The following ONECUT2 variants were observed in gnomAD, a reference collection of about 807,000 sequenced individuals.
ONECUT2 encodes the protein one cut homeobox 2, also known as one cut domain family member 2.
A neutral mutation model predicts 27.9 loss-of-function variants in ONECUT2; 10 were observed. That is an observed-to-expected ratio of 0.36 (90% CI 0.22 to 0.61). ONECUT2 has a LOEUF of 0.61. Among genes scored for constraint, ONECUT2 ranks in the 20% least tolerant of loss-of-function variants. The pLI is 0.73. For synonymous variants in ONECUT2, 334 were observed against 315.1 expected (o/e 1.06, Z -0.64); for missense variants, 686 against 721.0 (o/e 0.95, Z 0.56).
In ONECUT2 at chr18:57,480,131, A is replaced by G. The variant is rs2050408359; in HGVS notation, c.*3408A>G. On this transcript the variant is annotated 3_prime_UTR_variant, in exon 2 of 2. Transcript: ENST00000491143. ...TTTGTGCCCCCTCCTCATTCCCCCTATGTGGGTCTCCCTATGCAGGAGCTG... is the reference window on the plus strand; with the variant it reads ...TTTGTGCCCCCTCCTCATTCCCCCTGTGTGGGTCTCCCTATGCAGGAGCTG... The G allele has an allele frequency of 1.3e-5, 2 of 151,986 alleles. No individual in the cohort carries two copies. Among genetic ancestry groups the G allele is most frequent in the Non-Finnish European group, 1.5e-5 (1 of 68,012 alleles). The allele number at this position is 151,986 out of a possible 1,614,324, so 9.4% of individuals were successfully genotyped here.
At position 57,436,607 on chromosome 18, in the gene ONECUT2, C is replaced by G. The variant is rs781249150; in HGVS notation, c.891C>G (p.His297Gln). ...AMMSHLNGLH[H>Q]PGHTQSHGPV... ...TGTCGCACCTGAACGGCCTGCACCA[C>G]CCGGGCCACACTCAGTCTCACGGGC... Residue 297 changes from histidine (H) to glutamine (Q), a missense_variant, in exon 1 of 2, where the codon CAC becomes CAG. His to Gln is a conservative substitution (Grantham distance 24). This residue lies in a region of ONECUT2 where 511 missense variants were observed against 488.1 expected (regional missense o/e 1.05). Transcript: ENST00000491143. This position sits in a 1 kb window ranked among gnomAD's most constrained non-coding sequence, Gnocchi z 5.9. 37 of 1,610,712 alleles carry G rather than the reference C, an allele frequency of 2.3e-5. No individual in the cohort carries two copies. The highest frequency in any genetic ancestry group is 3.3e-5 in the South Asian group (3 of 91,070).
rs765697436 is a variant in ONECUT2 at position 57,483,360 on chromosome 18, C to G, written c.*6637C>G. 1 of 152,510 alleles carries G rather than the reference C, an allele frequency of 6.6e-6. No homozygotes were observed. The highest frequency in any genetic ancestry group is 1.5e-5 in the Non-Finnish European group (1 of 68,024). The allele number at this position is 152,510 out of a possible 1,614,324, so 9.4% of individuals were successfully genotyped here. A position where few individuals can be genotyped will look rare whatever the true frequency, so the allele number is the denominator to read the frequency against. On this transcript the variant is annotated 3_prime_UTR_variant, in exon 2 of 2. Transcript: ENST00000491143. ...CCTGCTTTGTTTTTATTTAGACTAT[C>G]AAATGAAGTTATACATGTTGTCAGT...
At chr18:57,451,792 A>C (rs1235178605) in intron 1 of ONECUT2, among the ~76,000 whole-genome samples, 1 of 152,194 alleles carries the variant, frequency 6.6e-6, no homozygotes, top group Non-Finnish European at 1.5e-5. Flanking sequence ...CATGAATCCA[A>C]GTATTCCACC....
At chr18:57,476,125 T>C (rs1159127996) in intron 1 of ONECUT2, among the ~76,000 whole-genome samples, 1 of 152,174 alleles carries the variant, frequency 6.6e-6, no homozygotes, top group Admixed American at 6.5e-5. Flanking sequence ...TGGCACCTGA[T>C]TTCAGAGATA....
In ONECUT2 at chr18:57,435,598, T is replaced by A; in HGVS notation, c.-119T>A. ...CCGGGGCGCACACCCGCACGCGCAC[T>A]CCTCTCCACTCACTCCCGCGCCCGC... On this transcript the variant is annotated 5_prime_UTR_variant, in exon 1 of 2. Coordinates refer to ENST00000491143, the MANE Select transcript of ONECUT2 (RefSeq NM_004852.3). 1.2e-6 allele frequency: 1 copy of A among 817,164 alleles called. No individual in the cohort carries two copies. Among genetic ancestry groups the A allele is most frequent in the Non-Finnish European group, 1.4e-6 (1 of 690,856 alleles). The allele number at this position is 817,164 out of a possible 1,614,324, so 50.6% of individuals were successfully genotyped here.
intron 1 of ONECUT2, among the ~76,000 whole-genome samples, chr18:57,469,694 G>A (rs561522766): frequency 3.0e-4 from 46 of 152,276 alleles, no homozygotes; most frequent in African/African-American, 9.4e-4. Flanking sequence ...ATCTACTATC[G>A]AGTAAGACTT....
In ONECUT2 at chr18:57,436,953, G is replaced by C; in HGVS notation, c.1228+9G>C. 1.3e-6 allele frequency: 2 copies of C among 1,577,120 alleles called. No individual in the cohort carries two copies. The highest frequency in any genetic ancestry group is 8.6e-7 in the Non-Finnish European group (1 of 1,161,810). On this transcript the variant is annotated intron_variant, in intron 1 of 1. Transcript: ENST00000491143. The surrounding 1 kb of genome is among the most constrained non-coding windows in gnomAD (Gnocchi z 5.9). ...CGCCTTACGCCTGGCAGGTAAGGCC[G>C]GGGCTAGCCAGGGGCCAGGCTGCTG...
intron 1 of ONECUT2, among the ~76,000 whole-genome samples, chr18:57,451,943 G>C (rs2050232602): frequency 2.0e-5 from 3 of 152,168 alleles, no homozygotes; most frequent in South Asian, 2.1e-4. Flanking sequence ...ATGAGGAATG[G>C]GGGGGGCGGT....
Position 57,482,830 on chromosome 18 carries a change from G to A in ONECUT2, c.*6107G>A, listed in dbSNP as rs560505917. On this transcript the variant is annotated 3_prime_UTR_variant, in exon 2 of 2. Coordinates refer to ENST00000491143, the MANE Select transcript of ONECUT2 (RefSeq NM_004852.3). The stretch of plus-strand genomic sequence containing the variant: ...TACAACAAATAAATTTTAAATCATC[G>A]TTTAACATGTATGTGGTACTTCTAC... 1.6e-4 allele frequency: 25 copies of A among 152,282 alleles called. No individual in the cohort carries two copies. The highest frequency in any genetic ancestry group is 5.1e-4 in the African/African-American group (21 of 41,506). The allele number at this position is 152,282 out of a possible 1,614,324, so 9.4% of individuals were successfully genotyped here.
intron 1 of ONECUT2, among the ~76,000 whole-genome samples, chr18:57,450,104 A>T (rs1265648929): frequency 6.6e-6 from 1 of 152,134 alleles, no homozygotes; most frequent in Admixed American, 6.5e-5. Flanking sequence ...TCAACGAGAG[A>T]ATAGGTTGGG....
At position 57,476,827 on chromosome 18, in the gene ONECUT2, C is replaced by G. The variant is rs753955227; in HGVS notation, c.*104C>G. 7.9e-7 allele frequency: 1 copy of G among 1,269,766 alleles called. No homozygotes were observed. Among genetic ancestry groups the G allele is most frequent in the Non-Finnish European group, 1.1e-6 (1 of 929,470 alleles). The allele number at this position is 1,269,766 out of a possible 1,614,324, so 78.7% of individuals were successfully genotyped here. A position where few individuals can be genotyped will look rare whatever the true frequency, so the allele number is the denominator to read the frequency against. ...CCGGATTCCTAGCTGGGGCCCTTCA[C>G]TGGTGATTTGAAAGCACAATTCTCT... On this transcript the variant is annotated 3_prime_UTR_variant, in exon 2 of 2. Transcript: ENST00000491143.
intron 1 of ONECUT2, among the ~76,000 whole-genome samples, chr18:57,440,445 G>A (rs1398377311): frequency 6.6e-6 from 1 of 152,198 alleles, no homozygotes; most frequent in African/African-American, 2.4e-5. Flanking sequence ...TACTGCAGAG[G>A]TTTCCGCCTC....
At chr18:57,452,140 G>A (rs1413119890) in intron 1 of ONECUT2, among the ~76,000 whole-genome samples, 1 of 152,142 alleles carries the variant, frequency 6.6e-6, no homozygotes, top group East Asian at 1.9e-4. Context: ...ACATTCATAA[G>A]TAACAAACCT....
chr18:57,468,663 C>G (rs1445461784), intron 1 of ONECUT2, among the ~76,000 whole-genome samples: 2 of 152,034 alleles, frequency 1.3e-5, no homozygotes, highest in African/African-American at 4.8e-5. Context: ...GAGCCTGAGC[C>G]CCAAGTCTTG....
rs1158475582 is a variant in ONECUT2, at chr18:57,435,650, A to T, written c.-67A>T. 1 of 852,974 alleles carries T rather than the reference A, an allele frequency of 1.2e-6. No individual in the cohort carries two copies. Among genetic ancestry groups the T allele is most frequent in the African/African-American group, 2.0e-5 (1 of 49,222 alleles). 52.8% of individuals were successfully genotyped at this position (852,974 alleles called of 1,614,324 possible). A position where few individuals can be genotyped will look rare whatever the true frequency, so the allele number is the denominator to read the frequency against. The stretch of plus-strand genomic sequence containing the variant: ...CCCACTCCCGCAGCCGAGCCCCGCC[A>T]CGCGCGCCTTGCCCGCCCGCCGGCC... On this transcript the variant is annotated 5_prime_UTR_variant, in exon 1 of 2. Coordinates refer to ENST00000491143, the MANE Select transcript of ONECUT2 (RefSeq NM_004852.3).
chr18:57,436,206 T>C lies in ONECUT2; in HGVS notation c.490T>C (p.Ser164Pro), dbSNP rs750958961. The C allele has an allele frequency of 2.1e-5, 34 of 1,606,584 alleles. No individual in the cohort carries two copies. Among genetic ancestry groups the C allele is most frequent in the Non-Finnish European group, 2.5e-5 (30 of 1,178,686 alleles). Residue 164 changes from serine to proline, a missense_variant, in exon 1 of 2, where the codon TCT (serine) becomes CCT (proline). Coordinates refer to ENST00000491143, the MANE Select transcript of ONECUT2 (RefSeq NM_004852.3). This position sits in a 1 kb window ranked among gnomAD's most constrained non-coding sequence, Gnocchi z 5.9. The stretch of plus-strand genomic sequence containing the variant: ...GCCGCTGCCACCCATCTCCACCGTG[T>C]CTGACAAGTTCCACCACCCTCACCC... ...LQPLPPISTV[S>P]DKFHHPHPHH...
Position 57,435,633 on chromosome 18 carries a change from C to T in ONECUT2, c.-84C>T. The T allele has an allele frequency of 1.0e-6, 1 of 988,142 alleles. No individual in the cohort carries two copies. Among genetic ancestry groups the T allele is most frequent in the Non-Finnish European group, 1.2e-6 (1 of 829,560 alleles). 61.2% of individuals were successfully genotyped at this position (988,142 alleles called of 1,614,324 possible). A position where few individuals can be genotyped will look rare whatever the true frequency, so the allele number is the denominator to read the frequency against. On this transcript the variant is annotated 5_prime_UTR_variant, in exon 1 of 2. Transcript: ENST00000491143. ...TCACTCCCGCGCCCGCCCCCACTCC[C>T]GCAGCCGAGCCCCGCCACGCGCGCC...
chr18:57,438,161 C>G (rs1272109317), intron 1 of ONECUT2, among the ~76,000 whole-genome samples: 3 of 152,192 alleles, frequency 2.0e-5, no homozygotes, highest in Non-Finnish European at 4.4e-5. Context: ...CGCTTTTGTG[C>G]GCACGGACCC....
rs150849769 is a variant in ONECUT2 at position 57,440,011 on chromosome 18, G to C, written c.1228+3067G>C. ...CCTTCCTGCCCAGCCTGCCGGTGTA[G>C]TCACAGCCAAGGGTGGCACTTGAAA... On this transcript the variant is annotated intron_variant, in intron 1 of 1. Transcript: ENST00000491143. Among the ~76,000 whole-genome samples, 1,072 of 152,376 alleles carry C rather than the reference G, an allele frequency of 7.0e-3. 19 individuals carry two copies. The highest frequency in any genetic ancestry group is 0.023 in the African/African-American group (976 of 41,584).
Sources: allele counts gnomAD v4.1 joint callset (sites outside exome capture counted in the v4.1 genomes callset), GRCh38; gene constraint gnomAD v4.1.1; regional missense constraint gnomAD v4.1.1; non-coding constraint Gnocchi (gnomAD v3.1); transcripts MANE v1.5; gene names NCBI Gene and HGNC (gene_info 2026-07-23, HGNC 2026-07-21).